LINGO2: variants seen among roughly 807,000 people sequenced by gnomAD.
LINGO2 encodes the protein leucine-rich repeat and immunoglobulin-like domain-containing nogo receptor-interacting protein 2.
Under a neutral mutation model 30.6 loss-of-function variants are expected in LINGO2, and 14 were observed. The observed-to-expected ratio is 0.46, with a 90% confidence interval of 0.30 to 0.72. LINGO2 has a LOEUF of 0.72. Ranked by LOEUF, LINGO2 falls within the 30% of genes least tolerant of loss-of-function variation. The pLI, the probability that LINGO2 is intolerant of heterozygous loss-of-function variation, is 0.07. For missense variants in LINGO2, 729 were observed against 751.7 expected (o/e 0.97, Z 0.35); for synonymous variants, 317 against 288.5 (o/e 1.10, Z -1.00).
chr9:28,236,274 A>C (rs2133954495), intron 4 of LINGO2, among the ~76,000 whole-genome samples: 1 of 152,342 alleles, frequency 6.6e-6, no homozygotes, highest in Admixed American at 6.5e-5. Flanking sequence ...TCCCAGACAA[A>C]CAAAAGCTGA....
chr9:29,178,275 C>T, the LINGO2 span, among the ~76,000 whole-genome samples: 5 of 151,990 alleles, frequency 3.3e-5, no homozygotes, highest in African/African-American at 9.7e-5. Context: ...AGAGTGGCCT[C>T]GAACTCCTGA....
At chr9:28,518,258 C>T (rs946915040) in intron 1 of LINGO2, among the ~76,000 whole-genome samples, 5 of 152,154 alleles carry the variant, frequency 3.3e-5, no homozygotes, top group Non-Finnish European at 7.4e-5. Flanking sequence ...GAAGAAAAGA[C>T]AAGTTTCCTG....
chr9:28,992,591 C>T, the LINGO2 span, among the ~76,000 whole-genome samples: 2 of 152,054 alleles, frequency 1.3e-5, no homozygotes, highest in Admixed American at 6.6e-5. Context: ...ACACCTATTC[C>T]AAAACTGACC....
chr9:29,049,882 A>C, the LINGO2 span, among the ~76,000 whole-genome samples: 2 of 152,180 alleles, frequency 1.3e-5, no homozygotes, highest in Non-Finnish European at 2.9e-5. Context: ...CTACTACTCA[A>C]TAGCACATTA....
At chr9:28,714,238 T>G in the LINGO2 span, among the ~76,000 whole-genome samples, 1 of 147,720 alleles carries the variant, frequency 6.8e-6, no homozygotes, top group Non-Finnish European at 1.5e-5. Flanking sequence ...TATATATCTC[T>G]CTCCACTACA....
At chr9:28,326,295 A>G (rs1825226838) in intron 3 of LINGO2, among the ~76,000 whole-genome samples, 2 of 152,176 alleles carry the variant, frequency 1.3e-5, no homozygotes, top group Non-Finnish European at 1.5e-5. Context: ...GTGAACCACC[A>G]CACCCGGCCA....
chr9:28,780,435 A>G, the LINGO2 span, among the ~76,000 whole-genome samples: 1 of 152,134 alleles, frequency 6.6e-6, no homozygotes, highest in African/African-American at 2.4e-5. Flanking sequence ...AGAAATAAAT[A>G]TTTAGCAGTT....
At chr9:28,137,177 A>G (rs985803747) in intron 4 of LINGO2, among the ~76,000 whole-genome samples, 9 of 129,122 alleles carry the variant, frequency 7.0e-5, no homozygotes, top group Non-Finnish European at 1.1e-4. Flanking sequence ...TTATATATTC[A>G]TACATATATA....
intron 4 of LINGO2, among the ~76,000 whole-genome samples, chr9:28,016,682 T>TAAAAAAAAAAAAAAAAAA (rs72138034): frequency 8.7e-6 from 1 of 115,330 alleles, no homozygotes; most frequent in African/African-American, 3.4e-5. Flanking sequence ...ATTAAACCAG[T>TAAAAAAAAAAAAAAAAAA]AAAAAAAAAA....
intron 1 of LINGO2, among the ~76,000 whole-genome samples, chr9:28,604,554 CA>C (rs2135758102): frequency 6.6e-6 from 1 of 151,812 alleles, no homozygotes; most frequent in East Asian, 1.9e-4. Flanking sequence ...AGCTTGTTTC[CA>C]AAAGAGGAAA....
chr9:28,250,157 T>C (rs1242191143), intron 4 of LINGO2, among the ~76,000 whole-genome samples: 2 of 152,180 alleles, frequency 1.3e-5, no homozygotes, highest in African/African-American at 2.4e-5. Context: ...AGGGATTGGA[T>C]TTCTGGATGT....
the LINGO2 span, among the ~76,000 whole-genome samples, chr9:28,840,297 T>C: frequency 6.6e-6 from 1 of 151,856 alleles, no homozygotes. Context: ...CAGCCCCAAC[T>C]GCACCTCCCC....
At chr9:28,862,426 T>C in the LINGO2 span, among the ~76,000 whole-genome samples, 1 of 152,140 alleles carries the variant, frequency 6.6e-6, no homozygotes, top group Non-Finnish European at 1.5e-5. Context: ...GTTAAAAGTA[T>C]ACATATTGAT....
the LINGO2 span, among the ~76,000 whole-genome samples, chr9:28,701,503 G>C: frequency 3.3e-5 from 5 of 151,778 alleles, no homozygotes; most frequent in African/African-American, 1.2e-4. Context: ...TATTCTGTTC[G>C]ATCGATCTGT....
chr9:28,943,352 A>G, the LINGO2 span, among the ~76,000 whole-genome samples: 1,393 of 151,674 alleles, frequency 9.2e-3, 21 homozygotes, highest in African/African-American at 0.032. Context: ...ATAAAGATCC[A>G]AGGAGGTATG....
At chr9:28,194,266 A>G (rs1819929266) in intron 4 of LINGO2, among the ~76,000 whole-genome samples, 1 of 152,198 alleles carries the variant, frequency 6.6e-6, no homozygotes, top group African/African-American at 2.4e-5. Flanking sequence ...AGTGAAAAGT[A>G]AAATAAAATA....
At chr9:27,945,300 A>G (rs1453749640), downstream of LINGO2, among the ~76,000 whole-genome samples, 1 of 152,168 alleles carries the variant, frequency 6.6e-6, no homozygotes, top group Non-Finnish European at 1.5e-5. Context: ...TCAGGCCTCA[A>G]TGCAAATGAC....
chr9:28,492,754 T>C (rs1258586968), intron 1 of LINGO2, among the ~76,000 whole-genome samples: 2 of 151,968 alleles, frequency 1.3e-5, no homozygotes, highest in Non-Finnish European at 2.9e-5. Flanking sequence ...CATAATACAG[T>C]CCACTAGGAA....
chr9:28,367,080 T>C (rs983741984), intron 3 of LINGO2, among the ~76,000 whole-genome samples: 10 of 148,986 alleles, frequency 6.7e-5, no homozygotes, highest in African/African-American at 2.6e-4. Context: ...CTTCTCTATA[T>C]AGTTGTATTA....
Sources: gnomAD v4.1 joint callset for allele counts (sites outside exome capture counted in the v4.1 genomes callset) on GRCh38, gnomAD v4.1.1 for gene constraint, MANE v1.5 for transcripts, NCBI Gene and HGNC (gene_info 2026-07-23, HGNC 2026-07-21) for gene names.